Variants in CECR2 observed in about 807,000 individuals in gnomAD.
CECR2 encodes the protein chromatin remodeling regulator CECR2.
CECR2 carries 30 observed loss-of-function variants against 154.5 expected under a neutral mutation model. That is an observed-to-expected ratio of 0.19 (90% CI 0.15 to 0.26). CECR2 has a LOEUF of 0.26. Among genes scored for constraint, CECR2 ranks in the 10% least tolerant of loss-of-function variants. The pLI, the probability that CECR2 is intolerant of heterozygous loss-of-function variation, is 1.00. For missense variants in CECR2, 1,743 were observed against 1,829.3 expected, an observed-to-expected ratio of 0.95 and a Z score of 0.86; for synonymous variants, 725 against 683.7, an observed-to-expected ratio of 1.06 and a Z score of -0.94.
chr22:17,378,294 T>G, intron 1 of CECR2, among the ~76,000 whole-genome samples: 1 of 143,412 alleles, frequency 7.0e-6, no homozygotes, highest in East Asian at 2.1e-4. Flanking sequence ...TTTTTTTGTT[T>G]TTTTGTTTTT....
chr22:17,548,867 T>A lies in CECR2; in HGVS notation c.3580T>A (p.Tyr1194Asn), dbSNP rs959811287. Residue 1194 changes from tyrosine to asparagine, a missense_variant, in exon 17 of 19, where the codon TAC becomes AAC. By Grantham distance (143) the Tyr-to-Asn change is moderately radical. Coordinates refer to ENST00000262608, the MANE Select transcript of CECR2 (RefSeq NM_001290047.2). ...CTACCACCCACCGCCACAGCCTTCC[T>A]ACCACCACTATCAGCGAACTCCTTA... Reference protein sequence around the residue: ...YSYHPPPQPSYHHYQRTPYYA... With the variant: ...YSYHPPPQPSNHHYQRTPYYA... 5.0e-6 allele frequency: 8 copies of A among 1,613,206 alleles called. No homozygotes were observed. The African/African-American group carries it at 9.3e-5, about 19-fold the overall frequency.
intron 1 of CECR2, among the ~76,000 whole-genome samples, chr22:17,416,993 G>C (rs1200644926): frequency 1.3e-5 from 2 of 149,546 alleles, no homozygotes; most frequent in Admixed American, 6.7e-5. Flanking sequence ...CTCTTGATAC[G>C]TATATCACAT....
At chr22:17,488,162 C>T (rs1317315251) in intron 2 of CECR2, among the ~76,000 whole-genome samples, 1 of 152,252 alleles carries the variant, frequency 6.6e-6, no homozygotes, top group African/African-American at 2.4e-5. Context: ...GGATTACAGG[C>T]GTGAGCCACC....
At chr22:17,438,198 A>G (rs1044722705) in intron 1 of CECR2, among the ~76,000 whole-genome samples, 1 of 152,244 alleles carries the variant, frequency 6.6e-6, no homozygotes, top group African/African-American at 2.4e-5. Flanking sequence ...CCCAGATGAC[A>G]TGCGTTACAA....
intron 1 of CECR2, among the ~76,000 whole-genome samples, chr22:17,398,113 T>C (rs952652219): frequency 1.3e-5 from 2 of 152,160 alleles, no homozygotes; most frequent in Non-Finnish European, 2.9e-5. Context: ...ATGGTATGTC[T>C]GCTTCTGATT....
At chr22:17,478,181 T>C (rs1272265042) in intron 2 of CECR2, among the ~76,000 whole-genome samples, 1 of 152,240 alleles carries the variant, frequency 6.6e-6, no homozygotes, top group South Asian at 2.1e-4. Flanking sequence ...CTTGTTTTGA[T>C]CTTTACTTAA....
intron 1 of CECR2, among the ~76,000 whole-genome samples, chr22:17,407,742 G>A (rs1191405174): frequency 6.6e-6 from 1 of 152,188 alleles, no homozygotes; most frequent in African/African-American, 2.4e-5. Flanking sequence ...GACTTTGGCG[G>A]TGTCTGGAGA....
intron 2 of CECR2, among the ~76,000 whole-genome samples, chr22:17,491,130 C>T (rs1289443221): frequency 4.6e-5 from 7 of 152,152 alleles, no homozygotes; most frequent in African/African-American, 1.7e-4. Flanking sequence ...TGGGTATGTA[C>T]GCAGATTTTA....
chr22:17,539,800 C>A (rs1601537711), intron 13 of CECR2, among the ~76,000 whole-genome samples: 1 of 152,174 alleles, frequency 6.6e-6, no homozygotes, highest in Non-Finnish European at 1.5e-5. Context: ...TGCAGTTTAG[C>A]CTTAAAGAAT....
chr22:17,367,446 C>G (rs971849247), upstream of CECR2, among the ~76,000 whole-genome samples: 2 of 152,026 alleles, frequency 1.3e-5, no homozygotes, highest in African/African-American at 4.8e-5. Flanking sequence ...AGTGCAATGG[C>G]GAGATCTCGG....
intron 1 of CECR2, among the ~76,000 whole-genome samples, chr22:17,376,835 G>A (rs1213920644): frequency 6.6e-6 from 1 of 151,802 alleles, no homozygotes; most frequent in Non-Finnish European, 1.5e-5. Flanking sequence ...ATGGGGTTTC[G>A]CTGTGTTGGC....
At chr22:17,414,138 A>C (rs1002459837) in intron 1 of CECR2, among the ~76,000 whole-genome samples, 4 of 150,990 alleles carry the variant, frequency 2.6e-5, no homozygotes, top group African/African-American at 9.8e-5. Flanking sequence ...ACGCCTGGCT[A>C]ATTTTTTGTA....
intron 6 of CECR2, among the ~76,000 whole-genome samples, chr22:17,503,631 G>A (rs568924857): frequency 3.3e-5 from 5 of 152,302 alleles, no homozygotes; most frequent in Non-Finnish European, 7.4e-5. Context: ...TTTCTAGACT[G>A]TGAATATCTA....
At chr22:17,373,278 T>C (rs1165944598) in intron 1 of CECR2, among the ~76,000 whole-genome samples, 1 of 152,152 alleles carries the variant, frequency 6.6e-6, no homozygotes, top group African/African-American at 2.4e-5. Context: ...ACCTTGAATA[T>C]ACAGGATTGC....
At chr22:17,485,503 C>T (rs1569113145) in intron 2 of CECR2, among the ~76,000 whole-genome samples, 1 of 152,204 alleles carries the variant, frequency 6.6e-6, no homozygotes, top group Admixed American at 6.5e-5. Flanking sequence ...CGTGGTGGCT[C>T]ACGCCTGTAA....
Position 17,439,155 on chromosome 22 carries a change from G to A in CECR2, c.127-38433G>A, listed in dbSNP as rs574220526. On this transcript the variant is annotated intron_variant, in intron 1 of 18. Transcript: ENST00000262608. Reference sequence around the variant, plus strand: ...CTTTTGGAACATGAATTCTATGGGAGAAGAAACACTCCCTTTTTTTTTTTT... The same window carrying A: ...CTTTTGGAACATGAATTCTATGGGAAAAGAAACACTCCCTTTTTTTTTTTT... 6.0e-5 allele frequency among the ~76,000 whole-genome samples: 9 copies of A among 149,658 alleles called. No homozygotes were observed. In the East Asian group the frequency reaches 1.4e-3, roughly 23 times the overall value.
At chr22:17,424,413 T>A (rs2054300696) in intron 1 of CECR2, 1 of 190,002 alleles carries the variant, frequency 5.3e-6, no homozygotes, top group Non-Finnish European at 1.2e-5. Context: ...CACCTTGAGT[T>A]CAGGGAGACA....
rs867656211 is a variant in CECR2 at position 17,548,489 on chromosome 22, G to A, written c.3202G>A (p.Gly1068Arg). The stretch of plus-strand genomic sequence containing the variant: ...GGAAGCATCTCCTTGTGGATCGGAG[G>A]GGAAGGGCCTTGGTAGCAGTGGTTC... The part of the protein sequence containing the change: ...IGEASPCGSE[G>R]KGLGSSGSEK... Residue 1068 changes from glycine (G) to arginine (R), a missense_variant, in exon 17 of 19, where the codon GGG becomes AGG. Gly to Arg is a moderately radical substitution (Grantham distance 125, BLOSUM62 -2). Around this residue, in one of 4 missense-constraint regions of CECR2, gnomAD observed 1,250 missense variants for 1,192.1 expected, o/e 1.05. Coordinates refer to ENST00000262608, the MANE Select transcript of CECR2 (RefSeq NM_001290047.2). 6.2e-7 allele frequency: 1 copy of A among 1,613,960 alleles called. No individual in the cohort carries two copies.
intron 1 of CECR2, among the ~76,000 whole-genome samples, chr22:17,389,624 T>TTTTA (rs1244906438): frequency 6.6e-5 from 10 of 152,038 alleles, no homozygotes; most frequent in Middle Eastern, 3.4e-3. Context: ...GGATATTCTT[T>TTTTA]TTTATTTATT....
Sources: gnomAD v4.1 joint callset for allele counts (sites outside exome capture counted in the v4.1 genomes callset) on GRCh38, gnomAD v4.1.1 for gene constraint, gnomAD v4.1.1 regional missense constraint, MANE v1.5 for transcripts, NCBI Gene and HGNC (gene_info 2026-07-23, HGNC 2026-07-21) for gene names.